RBFOX1: variants seen among roughly 807,000 people sequenced by gnomAD.
RBFOX1 encodes RNA binding protein fox-1 homolog 1.
In RBFOX1, 8 loss-of-function variants were observed where a neutral mutation model predicts 57.7. The observed-to-expected ratio is 0.14, with a 90% CI of 0.08 to 0.25. The LOEUF is 0.25. Among genes scored for constraint, RBFOX1 ranks in the 10% least tolerant of loss-of-function variants. The probability of loss-of-function intolerance (pLI) is 1.00; values close to 1 mark genes in which losing one functional copy is unlikely to be tolerated. For missense variants in RBFOX1, 611 were observed against 548.5 expected, an observed-to-expected ratio of 1.11 and a Z score of -1.14; for synonymous variants, 326 against 222.4, an observed-to-expected ratio of 1.47 and a Z score of -4.15.
chr16:6,981,702 G>T (rs577959900), intron 3 of RBFOX1, among the ~76,000 whole-genome samples: 4 of 152,140 alleles, frequency 2.6e-5, no homozygotes, highest in Admixed American at 6.6e-5. Context: ...CTTGTCACAT[G>T]AGAGTCAGTA....
intron 3 of RBFOX1, among the ~76,000 whole-genome samples, chr16:6,895,984 G>A (rs1464662163): frequency 1.3e-5 from 2 of 152,090 alleles, no homozygotes; most frequent in Admixed American, 6.6e-5. Context: ...ATACAGGCAT[G>A]CTGTGTGAAA....
chr16:5,991,224 C>G lies in RBFOX1; in HGVS notation c.351+123889C>G, dbSNP rs538224572. ...CCCACTAGGTTGATTTTCATATTCC[C>G]CATTTGCAGAGGAGCAGCAAAGTTC... On this transcript the variant is annotated intron_variant, in intron 4 of 19. Transcript: ENST00000641259. Among the ~76,000 whole-genome samples the G allele has an allele frequency of 3.3e-5, 5 of 152,206 alleles. No individual in the cohort carries two copies. In the South Asian group the frequency reaches 1.0e-3, roughly 32 times the overall value.
chr16:6,682,956 T>C (rs1338862181), intron 3 of RBFOX1, among the ~76,000 whole-genome samples: 1 of 151,026 alleles, frequency 6.6e-6, no homozygotes, highest in East Asian at 1.9e-4. Context: ...ACATCAGGCC[T>C]CATAGGGGTT....
At chr16:7,631,976 C>T (rs146401112) in intron 11 of RBFOX1, among the ~76,000 whole-genome samples, 32 of 152,292 alleles carry the variant, frequency 2.1e-4, no homozygotes, top group Middle Eastern at 3.4e-3. Context: ...GTGGTGCCAT[C>T]TCAGCTCACT....
intron 1 of RBFOX1, among the ~76,000 whole-genome samples, chr16:5,429,185 T>C (rs1260172501): frequency 6.6e-6 from 1 of 152,198 alleles, no homozygotes; most frequent in Non-Finnish European, 1.5e-5. Context: ...AGCCAGAGCC[T>C]TTACATAATG....
chr16:7,357,469 C>T (rs2082401767), intron 4 of RBFOX1, among the ~76,000 whole-genome samples: 1 of 152,106 alleles, frequency 6.6e-6, no homozygotes, highest in Admixed American at 6.5e-5. Flanking sequence ...CTTTCTTTGG[C>T]CTCACCTTTT....
At chr16:5,714,030 G>C (rs921467938) in intron 3 of RBFOX1, among the ~76,000 whole-genome samples, 2 of 152,212 alleles carry the variant, frequency 1.3e-5, no homozygotes, top group African/African-American at 4.8e-5. Context: ...AGGAGGTAAA[G>C]AAAGGCAATA....
At chr16:5,821,868 C>G (rs2055869458) in intron 3 of RBFOX1, among the ~76,000 whole-genome samples, 1 of 152,176 alleles carries the variant, frequency 6.6e-6, no homozygotes, top group African/African-American at 2.4e-5. Context: ...CAGCCAGTTT[C>G]CTGCAGCCCT....
chr16:7,478,600 C>G (rs904355128), intron 4 of RBFOX1, among the ~76,000 whole-genome samples: 1 of 152,188 alleles, frequency 6.6e-6, no homozygotes, highest in African/African-American at 2.4e-5. Flanking sequence ...ATTTCTGACA[C>G]AAACTGGATT....
intron 4 of RBFOX1, among the ~76,000 whole-genome samples, chr16:5,998,168 T>G (rs1252827854): frequency 6.6e-6 from 1 of 152,214 alleles, no homozygotes; most frequent in Non-Finnish European, 1.5e-5. Context: ...CCCTGTTCAT[T>G]CTGGTTTCAT....
intron 2 of RBFOX1, among the ~76,000 whole-genome samples, chr16:6,450,795 ATATATG>A (rs1225093200): frequency 1.8e-4 from 3 of 16,218 alleles, no homozygotes; most frequent in Admixed American, 2.4e-3. Flanking sequence ...ATATACATAT[ATATATG>A]TATATATATA....
At chr16:6,182,001 G>A (rs2097067118) in intron 1 of RBFOX1, among the ~76,000 whole-genome samples, 1 of 152,126 alleles carries the variant, frequency 6.6e-6, no homozygotes, top group Non-Finnish European at 1.5e-5. Context: ...TGATCATACT[G>A]TATTAGCCAG....
intron 3 of RBFOX1, among the ~76,000 whole-genome samples, chr16:6,740,541 A>T (rs1044722963): frequency 6.6e-6 from 1 of 152,246 alleles, no homozygotes; most frequent in Non-Finnish European, 1.5e-5. Flanking sequence ...TAGCTCACCA[A>T]AGTCACAGGA....
chr16:5,900,409 G>C (rs1389687144), intron 4 of RBFOX1, among the ~76,000 whole-genome samples: 3 of 152,178 alleles, frequency 2.0e-5, no homozygotes, highest in African/African-American at 7.2e-5. Flanking sequence ...GGGAAAAAAA[G>C]AAAGAGAAAA....
At chr16:5,353,407 A>T (rs905742907) in intron 1 of RBFOX1, among the ~76,000 whole-genome samples, 7 of 150,242 alleles carry the variant, frequency 4.7e-5, no homozygotes, top group African/African-American at 1.7e-4. Flanking sequence ...GCTATGGAGG[A>T]GTTCCCCAGC....
At position 6,526,850 on chromosome 16, in the gene RBFOX1, AAAAAAAAAAC is replaced by A. The variant is rs1337724968; in HGVS notation, c.-63-127750_-63-127741del. Among the ~76,000 whole-genome samples, 88 of 139,924 alleles carry A rather than the reference AAAAAAAAAAC, an allele frequency of 6.3e-4. 2 individuals carry two copies. Among genetic ancestry groups the A allele is most frequent in the African/African-American group, 2.6e-3 (84 of 31,920 alleles). The allele number at this position is 139,924 out of a possible 152,430, so 91.8% of individuals were successfully genotyped here. ...GTCTCAAAAAAAAAAAAAAAAAAAA[AAAAAAAAAAC>A]AACCAGAAAAACAGAAATACTCTAA... On this transcript the variant is annotated intron_variant, in intron 2 of 15. Transcript: ENST00000550418.
chr16:7,487,658 C>T (rs2065779236), intron 4 of RBFOX1, among the ~76,000 whole-genome samples: 1 of 152,118 alleles, frequency 6.6e-6, no homozygotes, highest in African/African-American at 2.4e-5. Context: ...CGCACTGAGA[C>T]CGAGCACCAC....
At position 6,895,442 on chromosome 16, in the gene RBFOX1, GTGTGTGTA is replaced by G. The variant is rs1295655097; in HGVS notation, c.-15-156613_-15-156606del. ...TATGTGTGTGTGTGTGTGTGTGTGT[GTGTGTGTA>G]TATATATATATATATATATATATAT... is the stretch of plus-strand genomic sequence containing the variant. On this transcript the variant is annotated intron_variant, in intron 3 of 15. Coordinates refer to ENST00000550418, the MANE Select transcript of RBFOX1 (RefSeq NM_018723.4). Among the ~76,000 whole-genome samples, 50 of 78,648 alleles carry G rather than the reference GTGTGTGTA, an allele frequency of 6.4e-4. No homozygotes were observed. The South Asian group carries it at 0.014, about 22-fold the overall frequency. The allele number at this position is 78,648 out of a possible 152,430, so 51.6% of individuals were successfully genotyped here. A position where few individuals can be genotyped will look rare whatever the true frequency, so the allele number is the denominator to read the frequency against.
chr16:7,344,254 C>G (rs531154450), intron 4 of RBFOX1, among the ~76,000 whole-genome samples: 217 of 150,972 alleles, frequency 1.4e-3, no homozygotes, highest in African/African-American at 4.8e-3. Flanking sequence ...TTCTGAGGAT[C>G]AAATCAATTA....
Sources: gnomAD v4.1 joint callset for allele counts (sites outside exome capture counted in the v4.1 genomes callset) on GRCh38, gnomAD v4.1.1 for gene constraint, MANE v1.5 for transcripts, NCBI Gene and HGNC (gene_info 2026-07-23, HGNC 2026-07-21) for gene names.